The following ANKRD26 variants were observed in gnomAD, a reference collection of about 807,000 sequenced individuals.
ANKRD26 encodes the protein ankyrin repeat domain-containing protein 26.
ANKRD26 carries 141 observed loss-of-function variants against 208.7 expected under a neutral mutation model. The observed-to-expected ratio is 0.68, with a 90% CI of 0.59 to 0.78. The LOEUF (loss-of-function observed/expected upper bound fraction) is 0.78. Ranked by LOEUF, ANKRD26 falls within the 30% of genes least tolerant of loss-of-function variation. The probability of loss-of-function intolerance (pLI) is 0.00; values close to 1 mark genes in which losing one functional copy is unlikely to be tolerated. For missense variants in ANKRD26, 1,889 were observed against 1,938.7 expected (o/e 0.97, Z 0.48); for synonymous variants, 636 against 660.4 (o/e 0.96, Z 0.57).
intron 1 of ANKRD26, among the ~76,000 whole-genome samples, chr10:27,096,971 T>C (rs2056487140): frequency 1.3e-5 from 2 of 150,418 alleles, no homozygotes; most frequent in South Asian, 4.2e-4. Flanking sequence ...CACTTGAGGT[T>C]AGGAGTTTGA....
Position 27,088,360 on chromosome 10 carries a change from A to G in ANKRD26, c.639-1751T>C, listed in dbSNP as rs371936639. On this transcript the variant is annotated intron_variant, in intron 4 of 33. Transcript: ENST00000376087. The stretch of plus-strand genomic sequence containing the variant: ...CTTCAAGAATGTGTGTGTCATCTTT[A>G]TACAGGGGCCATGCTGATCTTCTCT... The G allele has an allele frequency of 1.6e-3, 236 of 149,104 alleles. 1 individual carries two copies. The highest frequency in any genetic ancestry group is 5.4e-3 in the African/African-American group (220 of 41,112). 9.2% of individuals were successfully genotyped at this position (149,104 alleles called of 1,614,324 possible). A position where few individuals can be genotyped will look rare whatever the true frequency, so the allele number is the denominator to read the frequency against.
At position 27,100,463 on chromosome 10, in the gene ANKRD26, C is replaced by T. The variant is rs532285641; in HGVS notation, c.-137G>A. On this transcript the variant is annotated 5_prime_UTR_variant, in exon 1 of 34. Transcript: ENST00000376087. ...CTCCGCGGTTTCCAATCTCTCCCTC[C>T]GGGTTACCAAGCAAGCGATCCCGCT... is the stretch of plus-strand genomic sequence containing the variant. 16 of 1,323,982 alleles carry T rather than the reference C, an allele frequency of 1.2e-5. No individual in the cohort carries two copies. Among genetic ancestry groups the T allele is most frequent in the African/African-American group, 1.5e-5 (1 of 67,924 alleles). The allele number at this position is 1,323,982 out of a possible 1,614,324, so 82.0% of individuals were successfully genotyped here. A position where few individuals can be genotyped will look rare whatever the true frequency, so the allele number is the denominator to read the frequency against.
chr10:27,070,405 A>AC (rs2135522603), intron 9 of ANKRD26, among the ~76,000 whole-genome samples: 1 of 152,290 alleles, frequency 6.6e-6, no homozygotes, highest in East Asian at 1.9e-4. Flanking sequence ...GTCTCAAAAA[A>AC]CAAAAGAAAA....
exon 5 of ANKRD26, chr10:26,995,100 T>C (rs1339994511): frequency 4.2e-6 from 2 of 471,128 alleles, no homozygotes; most frequent in Non-Finnish European, 8.8e-6. Flanking sequence ...AAGTGAGACA[T>C]TGGTCAGTCA....
intron 4 of ANKRD26, among the ~76,000 whole-genome samples, chr10:26,998,406 T>C (rs538410766): frequency 3.4e-4 from 52 of 152,258 alleles, no homozygotes; most frequent in African/African-American, 9.9e-4. Flanking sequence ...TTCTGGACTT[T>C]TGGGGGCTGA....
At chr10:27,028,602 A>G (rs2053756873) in intron 27 of ANKRD26, among the ~76,000 whole-genome samples, 1 of 151,418 alleles carries the variant, frequency 6.6e-6, no homozygotes, top group Middle Eastern at 3.4e-3. Flanking sequence ...AAAAAAAAAA[A>G]AAAATTACAT....
chr10:27,082,462 G>A (rs2055955674), intron 6 of ANKRD26, among the ~76,000 whole-genome samples: 1 of 152,202 alleles, frequency 6.6e-6, no homozygotes, highest in Non-Finnish European at 1.5e-5. Context: ...AGAACTAAAT[G>A]TAGGTCTCTG....
chr10:27,024,910 G>C (rs1224193434), intron 27 of ANKRD26, among the ~76,000 whole-genome samples: 1 of 152,118 alleles, frequency 6.6e-6, no homozygotes, highest in African/African-American at 2.4e-5. Context: ...TCCAGTTTTT[G>C]TTAAATCAAA....
At chr10:27,044,260 T>G in intron 18 of ANKRD26, 70 bp from the exon 19 acceptor site, 2 of 1,274,652 alleles carry the variant, frequency 1.6e-6, no homozygotes, top group South Asian at 2.7e-5. Flanking sequence ...AAAACTATTG[T>G]TTTTTTAAAT....
At chr10:27,020,067 G>A (rs1315039800) in intron 29 of ANKRD26, among the ~76,000 whole-genome samples, 2 of 152,150 alleles carry the variant, frequency 1.3e-5, no homozygotes, top group East Asian at 1.9e-4. Context: ...ATCTAATGCC[G>A]AAGTCACATG....
the ANKRD26 span, among the ~76,000 whole-genome samples, chr10:26,957,785 T>C: frequency 6.6e-6 from 1 of 152,252 alleles, no homozygotes; most frequent in Middle Eastern, 3.4e-3. Flanking sequence ...GATTAGGAAA[T>C]ATATGAAAAG....
chr10:27,028,056 G>A (rs2053726158), intron 27 of ANKRD26, among the ~76,000 whole-genome samples: 1 of 152,200 alleles, frequency 6.6e-6, no homozygotes, highest in African/African-American at 2.4e-5. Context: ...GCTAAGCTAT[G>A]ATGTTCAGTA....
At chr10:27,061,951 T>C (rs1366735203) in intron 12 of ANKRD26, 5 of 985,010 alleles carry the variant, frequency 5.1e-6, no homozygotes, top group Admixed American at 6.2e-5. Context: ...GCCCTCCTGC[T>C]TGCAATAATC....
chr10:27,024,968 T>C (rs948480148), intron 27 of ANKRD26, among the ~76,000 whole-genome samples: 2 of 152,212 alleles, frequency 1.3e-5, no homozygotes, highest in Non-Finnish European at 2.9e-5. Flanking sequence ...TCCCGTTACA[T>C]TTTTTATACT....
the ANKRD26 span, among the ~76,000 whole-genome samples, chr10:26,949,250 T>C: frequency 6.6e-6 from 1 of 152,162 alleles, no homozygotes; most frequent in East Asian, 1.9e-4. Context: ...ATATTCCTCA[T>C]TGTTGCCTTA....
At chr10:26,995,008 T>C (rs940021151) in intron 5 of ANKRD26, 44 of 469,126 alleles carry the variant, frequency 9.4e-5, no homozygotes, top group Non-Finnish European at 1.6e-4. Context: ...AACATTTCCA[T>C]GCTCCCCTCT....
rs576489386 is a variant in ANKRD26, at chr10:27,077,741, A to T, written c.814-48T>A. On this transcript the variant is annotated intron_variant, in intron 7 of 33. Transcript: ENST00000376087. ...ACAAGTTTTAAAAAAACAAGTATCA[A>T]ATTTGATAAAATAATCGTAATAGAT... 32 of 1,475,508 alleles carry T rather than the reference A, an allele frequency of 2.2e-5. No homozygotes were observed. In the South Asian group the frequency reaches 3.5e-4, roughly 16 times the overall value. The allele number at this position is 1,475,508 out of a possible 1,614,324, so 91.4% of individuals were successfully genotyped here. A position where few individuals can be genotyped will look rare whatever the true frequency, so the allele number is the denominator to read the frequency against.
At chr10:26,960,163 G>A in the ANKRD26 span, among the ~76,000 whole-genome samples, 1 of 152,070 alleles carries the variant, frequency 6.6e-6, no homozygotes, top group Non-Finnish European at 1.5e-5. Context: ...AAAAAAAAGG[G>A]GGGGTAGTGT....
At chr10:27,017,090 G>A (rs1240252308) in intron 30 of ANKRD26, among the ~76,000 whole-genome samples, 1 of 152,086 alleles carries the variant, frequency 6.6e-6, no homozygotes. Context: ...GCTATCCAAA[G>A]GCTGAGGTAT....
Sources: allele counts gnomAD v4.1 joint callset (sites outside exome capture counted in the v4.1 genomes callset), GRCh38; gene constraint gnomAD v4.1.1; transcripts MANE v1.5; gene names NCBI Gene and HGNC (gene_info 2026-07-23, HGNC 2026-07-21).